Variants in CTNNA3 observed in about 807,000 individuals in gnomAD.
CTNNA3 encodes catenin alpha-3.
In CTNNA3, 76 loss-of-function variants were observed where a neutral mutation model predicts 95.7. The observed-to-expected ratio is 0.79, with a 90% CI of 0.66 to 0.96. The LOEUF (loss-of-function observed/expected upper bound fraction) is 0.96, where lower values mean the gene tolerates loss of function less well. Ranked by LOEUF, CTNNA3 falls within the 40% of genes least tolerant of loss-of-function variation. CTNNA3 has a pLI of 0.00. For synonymous variants in CTNNA3, 431 were observed against 374.4 expected (o/e 1.15, Z -1.74); for missense variants, 1,191 against 1,089.8 (o/e 1.09, Z -1.31).
chr10:67,742,912 T>A (rs1317180906), intron 1 of CTNNA3, among the ~76,000 whole-genome samples: 1 of 151,276 alleles, frequency 6.6e-6, no homozygotes, highest in Non-Finnish European at 1.5e-5. Flanking sequence ...AAGAAATGGA[T>A]AAATTCCTCT....
At chr10:66,430,689 T>C (rs1234367818) in intron 11 of CTNNA3, among the ~76,000 whole-genome samples, 1 of 152,204 alleles carries the variant, frequency 6.6e-6, no homozygotes, top group South Asian at 2.1e-4. Flanking sequence ...CTGGGAAAAC[T>C]GGCTAGCCAT....
chr10:66,684,889 G>A (rs1847193210), intron 9 of CTNNA3, among the ~76,000 whole-genome samples: 1 of 138,474 alleles, frequency 7.2e-6, no homozygotes, highest in Non-Finnish European at 1.5e-5. Context: ...TAATTATGTA[G>A]GAATAAACGT....
At position 67,747,004 on chromosome 10, in the gene CTNNA3, T is replaced by C. The variant is rs1348969098; in HGVS notation, c.-2+16430A>G. Among the ~76,000 whole-genome samples the C allele has an allele frequency of 7.2e-5, 11 of 152,184 alleles. 1 individual carries two copies. Among genetic ancestry groups the C allele is most frequent in the Admixed American group, 7.2e-4 (11 of 15,284 alleles). Reference sequence around the variant, plus strand: ...ATTCCCCACAGTACAGCACACCACCTGTGGCAGATCACAGCCAGATTGCCT... The same window carrying C: ...ATTCCCCACAGTACAGCACACCACCCGTGGCAGATCACAGCCAGATTGCCT... On this transcript the variant is annotated intron_variant, in intron 1 of 17. Transcript: ENST00000684154.
chr10:66,478,985 C>G (rs1249034955), intron 11 of CTNNA3, among the ~76,000 whole-genome samples: 1 of 151,686 alleles, frequency 6.6e-6, no homozygotes, highest in Admixed American at 6.6e-5. Flanking sequence ...TTTTCCTAAC[C>G]CAAGGTCATA....
At chr10:66,425,051 CA>C (rs2093227045) in intron 11 of CTNNA3, among the ~76,000 whole-genome samples, 1 of 151,934 alleles carries the variant, frequency 6.6e-6, no homozygotes, top group African/African-American at 2.4e-5. Context: ...AAGCTATCTA[CA>C]AATAATTGTG....
chr10:66,537,265 G>A (rs1322450179), intron 10 of CTNNA3, among the ~76,000 whole-genome samples: 1 of 152,038 alleles, frequency 6.6e-6, no homozygotes, highest in Non-Finnish European at 1.5e-5. Flanking sequence ...AGAAACTAAT[G>A]GTCAGGATTG....
At chr10:67,085,674 TC>T (rs1857268962) in intron 7 of CTNNA3, among the ~76,000 whole-genome samples, 1 of 152,028 alleles carries the variant, frequency 6.6e-6, no homozygotes, top group South Asian at 2.1e-4. Context: ...TATTAGCTCA[TC>T]CCTTATTATG....
At position 66,021,852 on chromosome 10, in the gene CTNNA3, C is replaced by CTTTTTTT. The variant is rs34671813; in HGVS notation, c.2160-33062_2160-33056dup. ...GGAAATTCCATATACAGGATCTTGGCTTTTTTTTTTTTTTTTAGATAGATA... is the reference window on the plus strand; with the variant it reads ...GGAAATTCCATATACAGGATCTTGGCTTTTTTTTTTTTTTTTTTTTTTTAGATAGATA... On this transcript the variant is annotated intron_variant, in intron 15 of 17. Coordinates refer to ENST00000433211, the MANE Select transcript of CTNNA3 (RefSeq NM_013266.4). Among the ~76,000 whole-genome samples the CTTTTTTT allele has an allele frequency of 4.2e-4, 32 of 75,940 alleles. 5 individuals carry two copies. The highest frequency in any genetic ancestry group is 2.9e-3 in the Admixed American group (17 of 5,792). The allele number at this position is 75,940 out of a possible 152,430, so 49.8% of individuals were successfully genotyped here. A position where few individuals can be genotyped will look rare whatever the true frequency, so the allele number is the denominator to read the frequency against.
At chr10:67,070,686 GCAGGGAGCTGAGGT>G (rs993079226) in intron 7 of CTNNA3, among the ~76,000 whole-genome samples, 8 of 151,950 alleles carry the variant, frequency 5.3e-5, no homozygotes, top group Non-Finnish European at 7.4e-5. Flanking sequence ...GGCGGAGGTT[GCAGGGAGCTGAGGT>G]CACGCCACTG....
intron 7 of CTNNA3, among the ~76,000 whole-genome samples, chr10:67,010,831 G>T (rs1438344945): frequency 6.6e-6 from 1 of 152,126 alleles, no homozygotes; most frequent in Non-Finnish European, 1.5e-5. Context: ...AGCAGAGTTT[G>T]ACATATTTGT....
At chr10:67,446,296 G>A (rs934053494) in intron 5 of CTNNA3, among the ~76,000 whole-genome samples, 2 of 151,976 alleles carry the variant, frequency 1.3e-5, no homozygotes, top group Non-Finnish European at 2.9e-5. Flanking sequence ...GTCCACCCCT[G>A]ACAGAACTTT....
At chr10:65,959,878 G>A (rs1194329281) in intron 17 of CTNNA3, among the ~76,000 whole-genome samples, 1 of 152,148 alleles carries the variant, frequency 6.6e-6, no homozygotes, top group Non-Finnish European at 1.5e-5. Flanking sequence ...ATTTCCATGT[G>A]AACTGAAGCT....
intron 1 of CTNNA3, among the ~76,000 whole-genome samples, chr10:67,727,138 A>T (rs192349816): frequency 8.3e-6 from 1 of 121,138 alleles, no homozygotes; most frequent in Non-Finnish European, 1.6e-5. Flanking sequence ...ATAATATATG[A>T]TACATATATT....
intron 9 of CTNNA3, among the ~76,000 whole-genome samples, chr10:66,713,159 T>A (rs984853535): frequency 1.3e-5 from 2 of 152,140 alleles, no homozygotes; most frequent in Admixed American, 6.6e-5. Context: ...GTCTCTCTAA[T>A]GCCTGTGCCC....
chr10:67,277,662 G>T (rs991974791), intron 5 of CTNNA3, among the ~76,000 whole-genome samples: 29 of 152,134 alleles, frequency 1.9e-4, no homozygotes, highest in Admixed American at 1.5e-3. Flanking sequence ...AAACAGATTG[G>T]GGTAAAGAAG....
intron 7 of CTNNA3, chr10:66,926,989 A>G: frequency 6.2e-7 from 1 of 1,614,140 alleles, no homozygotes; most frequent in South Asian, 1.1e-5. Context: ...TGTCTTACTG[A>G]CAATGCTTTC....
chr10:66,171,310 C>T (rs557469564), intron 13 of CTNNA3, among the ~76,000 whole-genome samples: 2 of 151,598 alleles, frequency 1.3e-5, no homozygotes, highest in South Asian at 4.2e-4. Context: ...CACAGTGGCT[C>T]ACACCTGTAA....
intron 9 of CTNNA3, among the ~76,000 whole-genome samples, chr10:66,712,387 A>G (rs185659484): frequency 3.3e-5 from 5 of 152,292 alleles, no homozygotes. Flanking sequence ...CATATTGAGT[A>G]AGAATTTATT....
At chr10:66,113,543 A>G (rs1308055264) in intron 13 of CTNNA3, among the ~76,000 whole-genome samples, 6 of 152,178 alleles carry the variant, frequency 3.9e-5, no homozygotes, top group Non-Finnish European at 7.3e-5. Context: ...GCTGCCCTTA[A>G]TATCTTGTGA....
Sources: allele counts gnomAD v4.1 joint callset (sites outside exome capture counted in the v4.1 genomes callset), GRCh38; gene constraint gnomAD v4.1.1; transcripts MANE v1.5; gene names NCBI Gene and HGNC (gene_info 2026-07-23, HGNC 2026-07-21).